Variants in SGMS1 observed in about 807,000 individuals in gnomAD.
The protein encoded by SGMS1 is sphingomyelin synthase 1.
A neutral mutation model predicts 46.2 loss-of-function variants in SGMS1; 13 were observed. The observed-to-expected ratio is 0.28, with a 90% CI of 0.18 to 0.45. SGMS1 has a LOEUF of 0.45. SGMS1 is among the 20% of genes least tolerant of loss of function. The probability of loss-of-function intolerance (pLI) is 1.00; values close to 1 mark genes in which losing one functional copy is unlikely to be tolerated. For synonymous variants in SGMS1, 203 were observed against 187.8 expected (o/e 1.08, Z -0.66); for missense variants, 324 against 519.9 (o/e 0.62, Z 3.66).
intron 3 of SGMS1, among the ~76,000 whole-genome samples, chr10:50,508,160 T>C (rs970895963): frequency 2.6e-5 from 4 of 152,228 alleles, no homozygotes; most frequent in Non-Finnish European, 4.4e-5. Flanking sequence ...CTGTGAGTTG[T>C]TTTTAAAGTA....
At chr10:50,552,436 G>T (rs1169727059) in intron 2 of SGMS1, among the ~76,000 whole-genome samples, 1 of 152,210 alleles carries the variant, frequency 6.6e-6, no homozygotes, top group Non-Finnish European at 1.5e-5. Flanking sequence ...TCCTGGGTTT[G>T]ACAAGGTTAA....
chr10:50,574,200 G>C (rs527489499), intron 2 of SGMS1, among the ~76,000 whole-genome samples: 3 of 152,204 alleles, frequency 2.0e-5, no homozygotes, highest in African/African-American at 7.2e-5. Flanking sequence ...AATCAACGGA[G>C]TGAAAAGGCA....
intron 2 of SGMS1, among the ~76,000 whole-genome samples, chr10:50,525,898 A>T (rs1449494673): frequency 6.6e-6 from 1 of 152,230 alleles, no homozygotes; most frequent in Non-Finnish European, 1.5e-5. Context: ...CCCATGACAA[A>T]GGTTGCTATG....
At chr10:50,350,080 AT>A (rs1847981080) in intron 6 of SGMS1, among the ~76,000 whole-genome samples, 1 of 152,240 alleles carries the variant, frequency 6.6e-6, no homozygotes, top group Admixed American at 6.5e-5. Flanking sequence ...GCTGATAGCA[AT>A]ATGAACAATA....
chr10:50,454,016 T>C (rs1325737146), intron 5 of SGMS1, among the ~76,000 whole-genome samples: 1 of 136,426 alleles, frequency 7.3e-6, no homozygotes, highest in Non-Finnish European at 1.5e-5. Flanking sequence ...AGATGATCTA[T>C]TCATACTAGA....
In SGMS1 at chr10:50,510,007, T is replaced by C. The variant is rs568031408; in HGVS notation, c.-498+9824A>G. On this transcript the variant is annotated intron_variant, in intron 3 of 10. Transcript: ENST00000361781. ...TGTAATCACCACCACAATCAAGATA[T>C]AGAACATTTCATTTATCTCAAAAAT... Among the ~76,000 whole-genome samples, 5 of 152,322 alleles carry C rather than the reference T, an allele frequency of 3.3e-5. No individual in the cohort carries two copies. The South Asian group carries it at 6.2e-4, about 19-fold the overall frequency.
chr10:50,540,149 G>T (rs1307921337), intron 2 of SGMS1, among the ~76,000 whole-genome samples: 1 of 152,184 alleles, frequency 6.6e-6, no homozygotes, highest in South Asian at 2.1e-4. Context: ...TATGCAACAT[G>T]TTTAAAGGTC....
intron 6 of SGMS1, among the ~76,000 whole-genome samples, chr10:50,411,158 GGAA>G (rs1203988701): frequency 2.0e-5 from 3 of 152,144 alleles, no homozygotes; most frequent in Admixed American, 2.0e-4. Context: ...GGAATTTCAA[GGAA>G]GAAGGAGGGA....
chr10:50,382,302 C>T (rs959225648), intron 6 of SGMS1, among the ~76,000 whole-genome samples: 1 of 152,024 alleles, frequency 6.6e-6, no homozygotes, highest in African/African-American at 2.4e-5. Flanking sequence ...AAAGTATCTT[C>T]TTGGAAAATG....
intron 2 of SGMS1, among the ~76,000 whole-genome samples, chr10:50,563,902 C>G (rs1395809335): frequency 6.6e-6 from 1 of 152,188 alleles, no homozygotes. Flanking sequence ...CAACCTACCT[C>G]CAAGTGCCAG....
intron 1 of SGMS1, among the ~76,000 whole-genome samples, chr10:50,606,352 T>C (rs1838693776): frequency 6.6e-6 from 1 of 152,182 alleles, no homozygotes; most frequent in South Asian, 2.1e-4. Context: ...GGCATAGAGT[T>C]TCAGCTTGGG....
At chr10:50,382,130 T>C (rs916303107) in intron 6 of SGMS1, among the ~76,000 whole-genome samples, 2 of 152,326 alleles carry the variant, frequency 1.3e-5, no homozygotes, top group Non-Finnish European at 2.9e-5. Context: ...AAGTTTTACA[T>C]GGTAGTAACC....
At chr10:50,350,847 A>G (rs185691582) in intron 6 of SGMS1, among the ~76,000 whole-genome samples, 3 of 152,314 alleles carry the variant, frequency 2.0e-5, no homozygotes, top group Middle Eastern at 3.4e-3. Flanking sequence ...AACCTCTGCT[A>G]GGGCAGTGCA....
chr10:50,385,749 A>G (rs7084809), intron 6 of SGMS1, among the ~76,000 whole-genome samples: 9,190 of 152,300 alleles, frequency 0.06, 640 homozygotes, highest in African/African-American at 0.17. Flanking sequence ...GCCGTGTGAC[A>G]GCCAATGGCA....
chr10:50,359,037 T>C (rs1383196025), intron 6 of SGMS1, among the ~76,000 whole-genome samples: 1 of 152,242 alleles, frequency 6.6e-6, no homozygotes, highest in Non-Finnish European at 1.5e-5. Flanking sequence ...TATTACATGC[T>C]GTGCTCAGAA....
intron 3 of SGMS1, among the ~76,000 whole-genome samples, chr10:50,482,497 AG>A (rs1837485838): frequency 6.6e-6 from 1 of 152,244 alleles, no homozygotes; most frequent in Non-Finnish European, 1.5e-5. Context: ...CGAAACACTG[AG>A]GGAATTTGTC....
At chr10:50,461,723 C>T (rs7904620) in intron 4 of SGMS1, among the ~76,000 whole-genome samples, 7 of 152,062 alleles carry the variant, frequency 4.6e-5, no homozygotes, top group Non-Finnish European at 8.8e-5. Context: ...GCTGTCAAGC[C>T]GGAGAGCTGA....
intron 5 of SGMS1, among the ~76,000 whole-genome samples, chr10:50,435,949 A>G (rs1250308131): frequency 6.6e-6 from 1 of 152,194 alleles, no homozygotes; most frequent in Non-Finnish European, 1.5e-5. Context: ...CCAGTGTGCA[A>G]TGTTCACAAG....
At position 50,307,608 on chromosome 10, in the gene SGMS1, C is replaced by T. The variant is rs539914775; in HGVS notation, c.1063-287G>A. 3.9e-5 allele frequency among the ~76,000 whole-genome samples: 6 copies of T among 152,184 alleles called. No homozygotes were observed. In the South Asian group the frequency reaches 1.2e-3, roughly 32 times the overall value. Reference sequence around the variant, plus strand: ...AGTTAGCTTTTTAGGTATTCCTCTTCTATGCTAAAAATGTTAACACTTAAT... The same window carrying T: ...AGTTAGCTTTTTAGGTATTCCTCTTTTATGCTAAAAATGTTAACACTTAAT... On this transcript the variant is annotated intron_variant, in intron 10 of 10. Transcript: ENST00000361781. The surrounding 1 kb of genome is among the most constrained non-coding windows in gnomAD (Gnocchi z 4.2).
Sources: allele counts gnomAD v4.1 joint callset (sites outside exome capture counted in the v4.1 genomes callset), GRCh38; gene constraint gnomAD v4.1.1; non-coding constraint Gnocchi (gnomAD v3.1); transcripts MANE v1.5; gene names NCBI Gene and HGNC (gene_info 2026-07-23, HGNC 2026-07-21).